The following HMBOX1 variants were observed in gnomAD, a reference collection of about 807,000 sequenced individuals.
HMBOX1 encodes the protein homeobox containing 1.
Under a neutral mutation model 54.5 loss-of-function variants are expected in HMBOX1, and 14 were observed. The ratio of observed to expected loss-of-function variants is 0.26; its 90% CI spans 0.17 to 0.40. The LOEUF (loss-of-function observed/expected upper bound fraction) is 0.40. Ranked by LOEUF, HMBOX1 falls within the 10% of genes least tolerant of loss-of-function variation. The probability of loss-of-function intolerance (pLI) is 1.00; values close to 1 mark genes in which losing one functional copy is unlikely to be tolerated. For synonymous variants in HMBOX1, 160 were observed against 181.0 expected, an observed-to-expected ratio of 0.88 and a Z score of 0.93; for missense variants, 332 against 514.4, an observed-to-expected ratio of 0.65 and a Z score of 3.43.
At chr8:28,911,645 C>T (rs546802331) in intron 1 of HMBOX1, among the ~76,000 whole-genome samples, 47 of 152,272 alleles carry the variant, frequency 3.1e-4, no homozygotes, top group East Asian at 1.4e-3. Flanking sequence ...CGTGAGCCAC[C>T]GCGCCTAGCT....
Position 29,051,509 on chromosome 8 carries a change from A to G in HMBOX1, c.*354A>G, listed in dbSNP as rs1424477421. ...TACGTGTAAAATCTTGGGTACCTTT[A>G]GATTCTTGTAACACTAGTCTGTACT... On this transcript the variant is annotated 3_prime_UTR_variant, in exon 10 of 10. Coordinates refer to ENST00000287701, the MANE Select transcript of HMBOX1 (RefSeq NM_001135726.3). The G allele has an allele frequency of 4.3e-6, 3 of 702,760 alleles. No homozygotes were observed. Among genetic ancestry groups the G allele is most frequent in the South Asian group, 3.0e-5 (2 of 67,596 alleles). The allele number at this position is 702,760 out of a possible 1,614,324, so 43.5% of individuals were successfully genotyped here.
chr8:28,987,333 G>A (rs1391028863), intron 4 of HMBOX1, among the ~76,000 whole-genome samples: 1 of 152,010 alleles, frequency 6.6e-6, no homozygotes, highest in Non-Finnish European at 1.5e-5. Flanking sequence ...AATATTTCTT[G>A]CCTAATGTAA....
chr8:29,049,097 T>C (rs1316998307), intron 9 of HMBOX1, 49 bp downstream of exon 9: 1 of 1,561,174 alleles, frequency 6.4e-7, no homozygotes, highest in Non-Finnish European at 8.8e-7. Context: ...GAGCAGGGGG[T>C]ATAGTGGGAC....
chr8:28,947,233 G>A (rs1313292287), intron 1 of HMBOX1, among the ~76,000 whole-genome samples: 1 of 152,208 alleles, frequency 6.6e-6, no homozygotes, highest in African/African-American at 2.4e-5. Context: ...GAGGAATTCA[G>A]AGAAATAAAC....
chr8:29,026,104 C>T (rs573456699), intron 6 of HMBOX1, among the ~76,000 whole-genome samples: 2 of 151,638 alleles, frequency 1.3e-5, no homozygotes, highest in East Asian at 3.9e-4. Context: ...TCTTAACATA[C>T]CCAGAGCACT....
chr8:28,991,146 A>G (rs1394789228), intron 4 of HMBOX1, among the ~76,000 whole-genome samples: 2 of 152,168 alleles, frequency 1.3e-5, no homozygotes, highest in Non-Finnish European at 2.9e-5. Context: ...ACTGCTCATA[A>G]TTTACTACCT....
chr8:28,953,838 A>C (rs907442807), intron 1 of HMBOX1, among the ~76,000 whole-genome samples: 1 of 152,130 alleles, frequency 6.6e-6, no homozygotes, highest in African/African-American at 2.4e-5. Flanking sequence ...CTGCTCTTTT[A>C]CATGTTTGCA....
intron 1 of HMBOX1, among the ~76,000 whole-genome samples, chr8:28,941,774 G>A (rs958046287): frequency 3.3e-5 from 5 of 152,108 alleles, no homozygotes; most frequent in Admixed American, 3.3e-4. Flanking sequence ...ATTGTTTTCT[G>A]TTCTTTTACT....
At chr8:29,004,473 A>T (rs1833127944) in intron 4 of HMBOX1, among the ~76,000 whole-genome samples, 2 of 152,230 alleles carry the variant, frequency 1.3e-5, no homozygotes, top group African/African-American at 4.8e-5. Context: ...GACTCTGACA[A>T]GAAAGGATTA....
At chr8:28,976,709 C>CTTT (rs749880362) in intron 3 of HMBOX1, among the ~76,000 whole-genome samples, 3 of 135,800 alleles carry the variant, frequency 2.2e-5, no homozygotes, top group Admixed American at 1.5e-4. Context: ...TCTTTTTTTT[C>CTTT]TTTTTTTTTT....
intron 6 of HMBOX1, among the ~76,000 whole-genome samples, chr8:29,029,464 A>G (rs1802573261): frequency 6.6e-6 from 1 of 152,242 alleles, no homozygotes; most frequent in African/African-American, 2.4e-5. Flanking sequence ...TGTACAAAAA[A>G]ATATAAATTG....
intron 1 of HMBOX1, among the ~76,000 whole-genome samples, chr8:28,955,571 C>A (rs1824268642): frequency 1.3e-5 from 2 of 152,154 alleles, no homozygotes; most frequent in Admixed American, 1.3e-4. Flanking sequence ...AACTCTAATT[C>A]TTTTTAATGA....
intron 1 of HMBOX1, among the ~76,000 whole-genome samples, chr8:28,910,031 T>C (rs1333717617): frequency 6.6e-6 from 1 of 152,144 alleles, no homozygotes; most frequent in Non-Finnish European, 1.5e-5. Flanking sequence ...CCTTATGTTC[T>C]TTTATACTTA....
chr8:29,032,708 A>G (rs1347711353), intron 6 of HMBOX1, among the ~76,000 whole-genome samples: 2 of 152,144 alleles, frequency 1.3e-5, no homozygotes, highest in Non-Finnish European at 2.9e-5. Flanking sequence ...GCTGGTCTAT[A>G]GGCTGGCATA....
At chr8:28,961,102 G>C (rs1051797190) in intron 1 of HMBOX1, among the ~76,000 whole-genome samples, 1 of 151,732 alleles carries the variant, frequency 6.6e-6, no homozygotes, top group African/African-American at 2.4e-5. Flanking sequence ...TTCTTTTATA[G>C]GTTGCTTGTT....
chr8:28,948,409 A>G (rs924340316), intron 1 of HMBOX1, among the ~76,000 whole-genome samples: 1 of 152,198 alleles, frequency 6.6e-6, no homozygotes, highest in Non-Finnish European at 1.5e-5. Context: ...AGAAGTGCCT[A>G]TGTAGAGAGG....
intron 1 of HMBOX1, among the ~76,000 whole-genome samples, chr8:28,928,746 A>G (rs1818982318): frequency 6.6e-6 from 1 of 152,264 alleles, no homozygotes; most frequent in African/African-American, 2.4e-5. Flanking sequence ...TTGTGGCAAC[A>G]TGGATGGACC....
intron 1 of HMBOX1, among the ~76,000 whole-genome samples, chr8:28,907,531 T>C (rs760663168): frequency 3.3e-5 from 5 of 152,248 alleles, no homozygotes; most frequent in Non-Finnish European, 7.3e-5. Flanking sequence ...GTGTACATTA[T>C]CTAAACATCT....
intron 4 of HMBOX1, among the ~76,000 whole-genome samples, 154 bp downstream of exon 4, chr8:28,980,310 A>G (rs1829127931): frequency 6.6e-6 from 1 of 152,188 alleles, no homozygotes; most frequent in Non-Finnish European, 1.5e-5. Flanking sequence ...CATTGTCTCC[A>G]ATATCGCCGA....
Sources: gnomAD v4.1 joint callset for allele counts (sites outside exome capture counted in the v4.1 genomes callset) on GRCh38, gnomAD v4.1.1 for gene constraint, MANE v1.5 for transcripts, NCBI Gene and HGNC (gene_info 2026-07-23, HGNC 2026-07-21) for gene names.